The following RPRD2 variants were observed in gnomAD, a reference collection of about 807,000 sequenced individuals.
RPRD2 encodes regulation of nuclear pre-mRNA domain-containing protein 2.
RPRD2 carries 12 observed loss-of-function variants against 104.4 expected under a neutral mutation model. The observed-to-expected ratio is 0.11, with a 90% confidence interval of 0.07 to 0.19. RPRD2 has a LOEUF of 0.19. Among genes scored for constraint, RPRD2 ranks in the 10% least tolerant of loss-of-function variants. RPRD2 has a pLI of 1.00. For missense variants in RPRD2, 1,543 were observed against 1,790.1 expected (o/e 0.86, Z 2.49); for synonymous variants, 714 against 684.9 (o/e 1.04, Z -0.66).
At chr1:150,432,281 A>G (rs1289594595) in intron 2 of RPRD2, among the ~76,000 whole-genome samples, 1 of 152,126 alleles carries the variant, frequency 6.6e-6, no homozygotes, top group African/African-American at 2.4e-5. Flanking sequence ...ATATTGTATG[A>G]TTACATTTAT....
intron 1 of RPRD2, among the ~76,000 whole-genome samples, chr1:150,370,572 CT>C (rs11288735): frequency 0.25 from 27,703 of 109,402 alleles, 2,901 homozygotes; most frequent in South Asian, 0.36. Context: ...TCCATTTTGT[CT>C]TTTTTTTTTT....
chr1:150,370,540 G>A (rs797032559), intron 1 of RPRD2, among the ~76,000 whole-genome samples: 2 of 149,452 alleles, frequency 1.3e-5, no homozygotes, highest in East Asian at 3.9e-4. Flanking sequence ...AGGACAAAAT[G>A]GAAAATATTG....
At chr1:150,430,908 C>A (rs1553891534) in intron 2 of RPRD2, among the ~76,000 whole-genome samples, 1 of 149,926 alleles carries the variant, frequency 6.7e-6, no homozygotes, top group African/African-American at 2.5e-5. Flanking sequence ...GCTTGGCCAA[C>A]AAGAGCGAAA....
intron 1 of RPRD2, among the ~76,000 whole-genome samples, chr1:150,382,441 A>G (rs900536695): frequency 4.6e-5 from 7 of 151,922 alleles, no homozygotes; most frequent in African/African-American, 1.7e-4. Flanking sequence ...CTGGAGTGCA[A>G]TGGCGATCTC....
At chr1:150,388,913 A>G (rs1340624675) in intron 1 of RPRD2, among the ~76,000 whole-genome samples, 3 of 151,928 alleles carry the variant, frequency 2.0e-5, no homozygotes, top group Non-Finnish European at 4.4e-5. Context: ...CTAATATGTA[A>G]TTATTAAGAG....
At chr1:150,373,576 AAGAGTT>A (rs1162397190) in intron 1 of RPRD2, among the ~76,000 whole-genome samples, 1 of 145,688 alleles carries the variant, frequency 6.9e-6, no homozygotes, top group Non-Finnish European at 1.5e-5. Context: ...CTAGAAAGAT[AAGAGTT>A]GACATTTATT....
At chr1:150,400,591 G>A (rs1368149601) in intron 1 of RPRD2, among the ~76,000 whole-genome samples, 4 of 152,136 alleles carry the variant, frequency 2.6e-5, no homozygotes, top group African/African-American at 9.7e-5. Flanking sequence ...TTGGGGCTCA[G>A]GGGTTAATGT....
In RPRD2 at chr1:150,476,411, CG is replaced by C. The variant is rs1225937345; in HGVS notation, c.*3082del. On this transcript the variant is annotated 3_prime_UTR_variant, in exon 11 of 11. Coordinates refer to ENST00000369068, the MANE Select transcript of RPRD2 (RefSeq NM_015203.5). ...TCCCCCACTATTTTTTTTAAGTGGGCGGGGGCGCCTGTTAAGATCTAAAATA... is the reference window on the plus strand; with the variant it reads ...TCCCCCACTATTTTTTTTAAGTGGGCGGGGCGCCTGTTAAGATCTAAAATA... 2 of 152,012 alleles carry C rather than the reference CG, an allele frequency of 1.3e-5. No homozygotes were observed. The highest frequency in any genetic ancestry group is 3.8e-4 in the East Asian group (2 of 5,200). The allele number at this position is 152,012 out of a possible 1,614,324, so 9.4% of individuals were successfully genotyped here.
intron 2 of RPRD2, among the ~76,000 whole-genome samples, chr1:150,433,415 TACACACACACAC>T (rs59986598): frequency 1.5e-5 from 2 of 136,958 alleles, no homozygotes; most frequent in African/African-American, 5.3e-5. Context: ...ATACTATATA[TACACACACACAC>T]ACACAGACAT....
At chr1:150,383,459 T>C (rs2102141508) in intron 1 of RPRD2, among the ~76,000 whole-genome samples, 1 of 151,972 alleles carries the variant, frequency 6.6e-6, no homozygotes, top group Middle Eastern at 3.4e-3. Context: ...GGATTACAGA[T>C]GCGCGTGCCA....
intron 1 of RPRD2, among the ~76,000 whole-genome samples, chr1:150,375,087 G>A (rs892365524): frequency 5.2e-4 from 79 of 150,938 alleles, no homozygotes; most frequent in African/African-American, 1.8e-3. Context: ...GCAATGTTTC[G>A]AAACATGGAA....
intron 1 of RPRD2, among the ~76,000 whole-genome samples, chr1:150,410,661 T>C (rs1388086308): frequency 6.6e-6 from 1 of 152,226 alleles, no homozygotes; most frequent in South Asian, 2.1e-4. Flanking sequence ...TCTGAACTGT[T>C]TGAGCATATG....
intron 2 of RPRD2, among the ~76,000 whole-genome samples, chr1:150,421,368 T>C (rs1228768250): frequency 6.6e-6 from 1 of 152,190 alleles, no homozygotes; most frequent in Non-Finnish European, 1.5e-5. Flanking sequence ...TTAAAGAAGA[T>C]CTGGATAAAT....
At chr1:150,403,715 C>A (rs1255665233) in intron 1 of RPRD2, among the ~76,000 whole-genome samples, 3 of 151,790 alleles carry the variant, frequency 2.0e-5, no homozygotes, top group African/African-American at 7.3e-5. Flanking sequence ...GTGTCACAAT[C>A]CCAGCTCACT....
chr1:150,441,347 C>T (rs1278767991), intron 3 of RPRD2: 2 of 244,074 alleles, frequency 8.2e-6, no homozygotes, highest in African/African-American at 4.6e-5. Context: ...AAATACTGCC[C>T]TGTGCCCTTA....
intron 10 of RPRD2, among the ~76,000 whole-genome samples, chr1:150,467,508 G>A (rs1668354278): frequency 6.6e-6 from 1 of 151,952 alleles, no homozygotes; most frequent in South Asian, 2.1e-4. Flanking sequence ...CGAGTAGCTG[G>A]TATTACAGGC....
intron 2 of RPRD2, among the ~76,000 whole-genome samples, chr1:150,424,624 G>A (rs1664990638): frequency 6.6e-6 from 1 of 152,028 alleles, no homozygotes; most frequent in South Asian, 2.1e-4. Flanking sequence ...GAGAAAAACT[G>A]AAGTCCAGAG....
intron 8 of RPRD2, 61 bp from the exon 9 acceptor site, chr1:150,459,999 A>G: frequency 6.6e-7 from 1 of 1,525,032 alleles, no homozygotes; most frequent in Non-Finnish European, 9.0e-7. Flanking sequence ...ATGTTATTTC[A>G]TATAGGAAGC....
chr1:150,403,655 A>ATTTTT (rs113063728), intron 1 of RPRD2, among the ~76,000 whole-genome samples: 2 of 150,700 alleles, frequency 1.3e-5, no homozygotes, highest in Non-Finnish European at 1.5e-5. Flanking sequence ...TTTACCCAAT[A>ATTTTT]TTTTTTTTTG....
Sources: gnomAD v4.1 joint callset for allele counts (sites outside exome capture counted in the v4.1 genomes callset) on GRCh38, gnomAD v4.1.1 for gene constraint, MANE v1.5 for transcripts, NCBI Gene and HGNC (gene_info 2026-07-23, HGNC 2026-07-21) for gene names.